NEDD4L: variants seen among roughly 807,000 people sequenced by gnomAD.
NEDD4L encodes NEDD4 like E3 ubiquitin protein ligase.
A neutral mutation model predicts 148.9 loss-of-function variants in NEDD4L; 54 were observed. The ratio of observed to expected loss-of-function variants is 0.36; its 90% confidence interval spans 0.29 to 0.45. The LOEUF is 0.45. NEDD4L is among the 20% of genes least tolerant of loss of function. The pLI is 1.00. For synonymous variants in NEDD4L, 433 were observed against 440.7 expected (o/e 0.98, Z 0.22); for missense variants, 856 against 1,233.8 (o/e 0.69, Z 4.59).
chr18:58,129,553 A>G (rs1233906380), intron 1 of NEDD4L, among the ~76,000 whole-genome samples: 2 of 152,204 alleles, frequency 1.3e-5, no homozygotes, highest in East Asian at 3.8e-4. Flanking sequence ...CATGTGTTTC[A>G]GAACTCTTGC....
intron 5 of NEDD4L, among the ~76,000 whole-genome samples, chr18:58,303,891 G>A (rs1301814473): frequency 6.6e-6 from 1 of 152,152 alleles, no homozygotes; most frequent in African/African-American, 2.4e-5. Flanking sequence ...AAGGAGATAG[G>A]AGTTAAAGAA....
At chr18:58,228,862 C>T (rs941581303) in intron 2 of NEDD4L, among the ~76,000 whole-genome samples, 50 of 152,232 alleles carry the variant, frequency 3.3e-4, no homozygotes, top group African/African-American at 1.1e-3. Context: ...TGCACTCTTC[C>T]ACACTTGGAA....
chr18:58,272,282 G>T (rs921602526), intron 5 of NEDD4L, among the ~76,000 whole-genome samples: 11 of 152,122 alleles, frequency 7.2e-5, no homozygotes, highest in Non-Finnish European at 2.9e-5. Flanking sequence ...ATATTTATTT[G>T]TAAACCTGGG....
intron 14 of NEDD4L, 150 bp from the exon 15 acceptor site, chr18:58,341,528 C>T (rs1601472896): frequency 2.5e-6 from 2 of 802,074 alleles, no homozygotes; most frequent in African/African-American, 3.5e-5. Flanking sequence ...CATCCTTTCC[C>T]CCATCATTAT....
intron 1 of NEDD4L, chr18:58,045,257 GT>G: frequency 2.5e-6 from 1 of 397,262 alleles, no homozygotes; most frequent in East Asian, 3.6e-5. Context: ...CCCTCCCCTC[GT>G]TTTGCAAAGT....
At chr18:58,394,113 G>C (rs1263581970) in intron 30 of NEDD4L, among the ~76,000 whole-genome samples, 2 of 152,318 alleles carry the variant, frequency 1.3e-5, no homozygotes, top group African/African-American at 4.8e-5. Context: ...CATTAGTGCA[G>C]AGCAAAGCCA....
At chr18:58,205,260 A>G (rs1432182065) in intron 2 of NEDD4L, among the ~76,000 whole-genome samples, 1 of 152,196 alleles carries the variant, frequency 6.6e-6, no homozygotes, top group East Asian at 1.9e-4. Flanking sequence ...GTGGGTTGGT[A>G]GGAGAATGAG....
chr18:58,234,577 C>G (rs2045784921), intron 2 of NEDD4L, among the ~76,000 whole-genome samples: 1 of 152,036 alleles, frequency 6.6e-6, no homozygotes, highest in South Asian at 2.1e-4. Context: ...TCAAGGGATC[C>G]TCCTATCTCA....
At chr18:58,142,011 C>A (rs114091987) in intron 1 of NEDD4L, among the ~76,000 whole-genome samples, 2 of 148,236 alleles carry the variant, frequency 1.3e-5, no homozygotes, top group African/African-American at 5.0e-5. Context: ...CCCCACCCCC[C>A]CGACCCCACT....
chr18:58,360,689 C>T (rs185553683), intron 19 of NEDD4L, among the ~76,000 whole-genome samples: 8 of 151,860 alleles, frequency 5.3e-5, no homozygotes, highest in Non-Finnish European at 8.8e-5. Context: ...TCTCCCACTA[C>T]GTCTGTAGAC....
chr18:58,111,910 G>T (rs1232854043), intron 1 of NEDD4L, among the ~76,000 whole-genome samples: 1 of 152,168 alleles, frequency 6.6e-6, no homozygotes, highest in Non-Finnish European at 1.5e-5. Context: ...CCCCAGCAGT[G>T]TCTGAGGGTT....
chr18:58,148,044 C>T (rs2034285903), intron 1 of NEDD4L, among the ~76,000 whole-genome samples: 1 of 152,024 alleles, frequency 6.6e-6, no homozygotes, highest in South Asian at 2.1e-4. Flanking sequence ...CCCTCTCTCC[C>T]CCCCTTTTTT....
At chr18:58,116,415 G>A (rs866680284) in intron 1 of NEDD4L, among the ~76,000 whole-genome samples, 45 of 152,268 alleles carry the variant, frequency 3.0e-4, no homozygotes, top group African/African-American at 8.2e-4. Flanking sequence ...TCTTCCAGGC[G>A]CAGATGTCAG....
At chr18:58,056,641 CACCATCTTGGT>C (rs1228849908) in intron 1 of NEDD4L, among the ~76,000 whole-genome samples, 2 of 152,036 alleles carry the variant, frequency 1.3e-5, no homozygotes, top group African/African-American at 4.8e-5. Context: ...AGTGCAGTGA[CACCATCTTGGT>C]TCACTGCAAC....
intron 1 of NEDD4L, among the ~76,000 whole-genome samples, chr18:58,121,367 G>A (rs1161450074): frequency 6.6e-6 from 1 of 152,068 alleles, no homozygotes; most frequent in African/African-American, 2.4e-5. Flanking sequence ...AATGCTGCTG[G>A]TTTGGAGATT....
intron 1 of NEDD4L, among the ~76,000 whole-genome samples, chr18:58,146,668 T>G (rs1455483467): frequency 6.6e-6 from 1 of 151,852 alleles, no homozygotes; most frequent in Non-Finnish European, 1.5e-5. Context: ...GTGGGAGCAA[T>G]TTGGAGAAGA....
chr18:58,313,343 A>T (rs1434431019), intron 5 of NEDD4L, among the ~76,000 whole-genome samples: 1 of 152,210 alleles, frequency 6.6e-6, no homozygotes, highest in East Asian at 1.9e-4. Flanking sequence ...ACCTCAGGGA[A>T]TTCGGTAAAC....
At chr18:58,078,672 A>G (rs993768104) in intron 1 of NEDD4L, among the ~76,000 whole-genome samples, 25 of 152,240 alleles carry the variant, frequency 1.6e-4, no homozygotes, top group Admixed American at 5.9e-4. Flanking sequence ...AATATGTACA[A>G]TGGAACAGAA....
intron 2 of NEDD4L, among the ~76,000 whole-genome samples, chr18:58,179,308 T>G (rs1156536645): frequency 1.3e-5 from 2 of 152,198 alleles, no homozygotes; most frequent in Admixed American, 6.5e-5. Flanking sequence ...CTTACATAGT[T>G]TCTTGGCCTG....
Sources: gnomAD v4.1 joint callset for allele counts (sites outside exome capture counted in the v4.1 genomes callset) on GRCh38, gnomAD v4.1.1 for gene constraint, MANE v1.5 for transcripts, NCBI Gene and HGNC (gene_info 2026-07-23, HGNC 2026-07-21) for gene names.